The following BMPR1B variants were observed in gnomAD, a reference collection of about 807,000 sequenced individuals.
BMPR1B encodes bone morphogenetic protein receptor type-1B.
Under a neutral mutation model 59.1 loss-of-function variants are expected in BMPR1B, and 12 were observed. The observed-to-expected ratio is 0.20, with a 90% CI of 0.13 to 0.33. BMPR1B has a LOEUF of 0.33. BMPR1B is among the 10% of genes least tolerant of loss of function. The pLI is 1.00. For synonymous variants in BMPR1B, 237 were observed against 207.3 expected, an observed-to-expected ratio of 1.14 and a Z score of -1.23; for missense variants, 550 against 610.9, an observed-to-expected ratio of 0.90 and a Z score of 1.05.
At chr4:95,040,975 A>G (rs1266896524) in intron 3 of BMPR1B, among the ~76,000 whole-genome samples, 3 of 152,218 alleles carry the variant, frequency 2.0e-5, no homozygotes, top group Non-Finnish European at 2.9e-5. Context: ...CAAGGAAGAA[A>G]AAACCCTTTC....
rs948847029 is a variant in BMPR1B at position 95,071,660 on chromosome 4, A to G, written c.-17-32748A>G. Among the ~76,000 whole-genome samples, 225 of 141,770 alleles carry G rather than the reference A, an allele frequency of 1.6e-3. 4 individuals carry two copies. The highest frequency in any genetic ancestry group is 2.0e-3 in the African/African-American group (77 of 38,714). The allele number at this position is 141,770 out of a possible 152,430, so 93.0% of individuals were successfully genotyped here. A position where few individuals can be genotyped will look rare whatever the true frequency, so the allele number is the denominator to read the frequency against. On this transcript the variant is annotated intron_variant, in intron 3 of 12. Coordinates refer to ENST00000515059, the MANE Select transcript of BMPR1B (RefSeq NM_001203.3). ...TGTGTGTGTGTGTGTGTGTATATAT[A>G]TATATATATATATATATATATGAAC...
At chr4:94,881,985 A>G (rs1726991851) in intron 2 of BMPR1B, among the ~76,000 whole-genome samples, 1 of 152,170 alleles carries the variant, frequency 6.6e-6, no homozygotes, top group Non-Finnish European at 1.5e-5. Context: ...GGCTTTGGAA[A>G]ATACCCGATT....
Position 95,042,943 on chromosome 4 carries a change from A to AGCTC in BMPR1B, c.-18+46810_-18+46811insCTCG, listed in dbSNP as rs1191989834. 2.6e-5 allele frequency among the ~76,000 whole-genome samples: 4 copies of AGCTC among 152,032 alleles called. No homozygotes were observed. In the South Asian group the frequency reaches 8.3e-4, roughly 32 times the overall value. On this transcript the variant is annotated intron_variant, in intron 3 of 12. Coordinates refer to ENST00000515059, the MANE Select transcript of BMPR1B (RefSeq NM_001203.3). ...GTAATCCCAGCACTTTGGGAGGCCG[A>AGCTC]GGCGGGTGGATCATGAGGTCAGGAG... is the stretch of plus-strand genomic sequence containing the variant.
chr4:94,837,268 T>G (rs1414236691), intron 1 of BMPR1B, among the ~76,000 whole-genome samples: 2 of 149,660 alleles, frequency 1.3e-5, no homozygotes, highest in Non-Finnish European at 3.0e-5. Context: ...ATATGAACTT[T>G]AAAGTAGTTT....
chr4:94,783,467 C>T (rs1400004614), intron 1 of BMPR1B, among the ~76,000 whole-genome samples: 1 of 152,198 alleles, frequency 6.6e-6, no homozygotes, highest in African/African-American at 2.4e-5. Context: ...TCTGCTGTTT[C>T]AGTTAAAGTT....
At chr4:94,987,032 C>T (rs1272064335) in intron 2 of BMPR1B, among the ~76,000 whole-genome samples, 2 of 52,662 alleles carry the variant, frequency 3.8e-5, no homozygotes, top group African/African-American at 6.7e-5. Context: ...CAGAGCCAGA[C>T]TCTGTCTCAA....
chr4:94,779,947 C>T lies in BMPR1B; in HGVS notation c.-183+21879C>T, dbSNP rs115964335. On this transcript the variant is annotated intron_variant, in intron 1 of 12. Coordinates refer to ENST00000515059, the MANE Select transcript of BMPR1B (RefSeq NM_001203.3). The stretch of plus-strand genomic sequence containing the variant: ...TCAAATTATTCTGTATCTTTGAGAT[C>T]GTAAAAGTTCCCCCCCTTCCCTTAA... Among the ~76,000 whole-genome samples, 162 of 152,180 alleles carry T rather than the reference C, an allele frequency of 1.1e-3. 2 individuals are homozygous for T. The highest frequency in any genetic ancestry group is 6.8e-3 in the Middle Eastern group (2 of 294).
chr4:94,968,434 T>C lies in BMPR1B; in HGVS notation c.-112-27606T>C, dbSNP rs114179112. On this transcript the variant is annotated intron_variant, in intron 2 of 12. Transcript: ENST00000515059. ...TAGTTTAAACATTTTTAAATGAAAATGGTATATTGAATTCTGGGGAAAATA... is the reference window on the plus strand; with the variant it reads ...TAGTTTAAACATTTTTAAATGAAAACGGTATATTGAATTCTGGGGAAAATA... Among the ~76,000 whole-genome samples, 534 of 152,148 alleles carry C rather than the reference T, an allele frequency of 3.5e-3. 2 individuals carry two copies. The highest frequency in any genetic ancestry group is 0.012 in the African/African-American group (508 of 41,500).
intron 1 of BMPR1B, among the ~76,000 whole-genome samples, chr4:94,759,112 C>T (rs1246120043): frequency 2.0e-5 from 3 of 152,180 alleles, no homozygotes; most frequent in South Asian, 2.1e-4. Flanking sequence ...TTCTTTAGAG[C>T]TGCACCCCTC....
At chr4:94,775,780 T>C (rs1190191377) in intron 1 of BMPR1B, among the ~76,000 whole-genome samples, 1 of 152,246 alleles carries the variant, frequency 6.6e-6, no homozygotes, top group African/African-American at 2.4e-5. Flanking sequence ...TTTCAAATAT[T>C]ATTACTACGG....
intron 3 of BMPR1B, among the ~76,000 whole-genome samples, chr4:95,053,868 A>G (rs555038034): frequency 6.6e-6 from 1 of 152,306 alleles, no homozygotes; most frequent in Admixed American, 6.5e-5. Context: ...AAGGACTATG[A>G]GATTAACAGA....
chr4:94,926,043 C>T (rs116734085), intron 2 of BMPR1B, among the ~76,000 whole-genome samples: 3,307 of 110,484 alleles, frequency 0.03, 216 homozygotes, highest in African/African-American at 0.12. Flanking sequence ...CTTCCCCTCC[C>T]TCCTACCCTC....
chr4:95,152,985 TTGAG>T (rs1205932252), intron 12 of BMPR1B, among the ~76,000 whole-genome samples: 1 of 152,214 alleles, frequency 6.6e-6, no homozygotes, highest in Non-Finnish European at 1.5e-5. Context: ...CCAGAATATA[TTGAG>T]TGAGTTGGTC....
intron 3 of BMPR1B, among the ~76,000 whole-genome samples, chr4:95,075,874 A>C (rs558612665): frequency 5.5e-4 from 83 of 151,496 alleles, no homozygotes; most frequent in Admixed American, 3.0e-3. Flanking sequence ...CCATCCAGCC[A>C]CTCTCACAAG....
intron 1 of BMPR1B, among the ~76,000 whole-genome samples, chr4:94,784,552 C>T (rs775854573): frequency 5.3e-5 from 8 of 152,002 alleles, no homozygotes; most frequent in Non-Finnish European, 1.0e-4. Flanking sequence ...GAGATGAGGT[C>T]TTGCTATGTG....
chr4:94,888,469 C>A lies in BMPR1B; in HGVS notation c.-113+12569C>A, dbSNP rs372384783. Among the ~76,000 whole-genome samples the A allele has an allele frequency of 2.6e-5, 4 of 152,102 alleles. No individual in the cohort carries two copies. The South Asian group carries it at 8.3e-4, about 32-fold the overall frequency. On this transcript the variant is annotated intron_variant, in intron 2 of 12. Coordinates refer to ENST00000515059, the MANE Select transcript of BMPR1B (RefSeq NM_001203.3). ...AGGACCATATGATTTTTCATAATAG[C>A]ATGAATAATAACAATGATAATAATG... is the stretch of plus-strand genomic sequence containing the variant.
At chr4:95,081,029 A>G (rs1405419291) in intron 3 of BMPR1B, among the ~76,000 whole-genome samples, 2 of 152,148 alleles carry the variant, frequency 1.3e-5, no homozygotes, top group Non-Finnish European at 1.5e-5. Context: ...GTAGGAGGTA[A>G]TTGAATAATG....
chr4:94,885,359 T>A (rs1206979838), intron 2 of BMPR1B, among the ~76,000 whole-genome samples: 1 of 152,244 alleles, frequency 6.6e-6, no homozygotes, highest in Non-Finnish European at 1.5e-5. Flanking sequence ...ATTTAGCACA[T>A]CATTATTATT....
intron 3 of BMPR1B, among the ~76,000 whole-genome samples, chr4:95,101,134 T>A (rs1041806202): frequency 1.3e-5 from 2 of 152,144 alleles, no homozygotes; most frequent in African/African-American, 4.8e-5. Context: ...CTTTATGCTC[T>A]TTATTCTTGA....
Sources: gnomAD v4.1 joint callset for allele counts (sites outside exome capture counted in the v4.1 genomes callset) on GRCh38, gnomAD v4.1.1 for gene constraint, MANE v1.5 for transcripts, NCBI Gene and HGNC (gene_info 2026-07-23, HGNC 2026-07-21) for gene names.